Variants in MED13L observed in about 807,000 individuals in gnomAD.
The protein encoded by MED13L is mediator complex subunit 13L.
A neutral mutation model predicts 220.9 loss-of-function variants in MED13L; 7 were observed. The ratio of observed to expected loss-of-function variants is 0.03; its 90% CI spans 0.02 to 0.06. The LOEUF (loss-of-function observed/expected upper bound fraction) is 0.06. Ranked by LOEUF, MED13L falls within the 10% of genes least tolerant of loss-of-function variation. The pLI, the probability that MED13L is intolerant of heterozygous loss-of-function variation, is 1.00. For synonymous variants in MED13L, 1,011 were observed against 1,015.2 expected, an observed-to-expected ratio of 1.00 and a Z score of 0.08; for missense variants, 1,965 against 2,760.5, an observed-to-expected ratio of 0.71 and a Z score of 6.46.
chr12:116,153,372 T>G (rs1355197667), intron 2 of MED13L, among the ~76,000 whole-genome samples: 1 of 152,046 alleles, frequency 6.6e-6, no homozygotes, highest in African/African-American at 2.4e-5. Flanking sequence ...GAGTGCCACC[T>G]CCATTAGTTA....
intron 2 of MED13L, among the ~76,000 whole-genome samples, chr12:116,163,462 T>A (rs1879032302): frequency 6.6e-6 from 1 of 151,454 alleles, no homozygotes; most frequent in Non-Finnish European, 1.5e-5. Flanking sequence ...CCTCCCAGAT[T>A]CAAGTGATTC....
chr12:116,091,352 TTC>T (rs1172918540), intron 4 of MED13L, among the ~76,000 whole-genome samples: 6 of 152,132 alleles, frequency 3.9e-5, no homozygotes, highest in Non-Finnish European at 8.8e-5. Flanking sequence ...CAGTCATAAC[TTC>T]TTTTAAGTTA....
intron 2 of MED13L, among the ~76,000 whole-genome samples, chr12:116,176,118 T>C (rs1402883824): frequency 1.3e-5 from 2 of 152,138 alleles, no homozygotes; most frequent in African/African-American, 2.4e-5. Flanking sequence ...AAGGACTCAC[T>C]ACCTGTGTAA....
chr12:116,100,279 G>A (rs943627579), intron 3 of MED13L, among the ~76,000 whole-genome samples: 2 of 151,988 alleles, frequency 1.3e-5, no homozygotes, highest in African/African-American at 2.4e-5. Context: ...GTTCTCAAAC[G>A]TTTTTGGGTC....
rs548939870 is a variant in MED13L at position 115,968,875 on chromosome 12, G to A, written c.6225+65C>T. ...GCAAGTAGGAACAAGATGATCAGAT[G>A]TCCAGTGGATTATCTTCCTAAAGGC... On this transcript the variant is annotated intron_variant, in intron 28 of 30. Transcript: ENST00000281928. 590 of 1,575,422 alleles carry A rather than the reference G, an allele frequency of 3.7e-4. 11 individuals carry two copies. The South Asian group carries it at 6.2e-3, about 16-fold the overall frequency.
intron 2 of MED13L, among the ~76,000 whole-genome samples, chr12:116,222,558 C>T (rs1868539427): frequency 6.6e-6 from 1 of 152,154 alleles, no homozygotes; most frequent in African/African-American, 2.4e-5. Context: ...GAAAGTCTGA[C>T]TCACTAATGA....
At chr12:116,084,362 C>A (rs923100266) in intron 4 of MED13L, among the ~76,000 whole-genome samples, 1 of 152,252 alleles carries the variant, frequency 6.6e-6, no homozygotes, top group South Asian at 2.1e-4. Flanking sequence ...AGTATATGCT[C>A]TCAGAGAAGG....
intron 2 of MED13L, among the ~76,000 whole-genome samples, chr12:116,235,241 C>T (rs956556677): frequency 3.3e-5 from 5 of 152,086 alleles, no homozygotes; most frequent in Admixed American, 3.3e-4. Context: ...ATAAATGAAT[C>T]TAAAAACTTG....
intron 4 of MED13L, 27 bp downstream of exon 4, chr12:116,096,642 A>G (rs1475573539): frequency 6.2e-7 from 1 of 1,603,188 alleles, no homozygotes; most frequent in Non-Finnish European, 8.5e-7. Flanking sequence ...AAGAAACCAA[A>G]AAGCCAAGAG....
intron 26 of MED13L, 92 bp from the exon 27 acceptor site, chr12:115,970,862 T>C: frequency 8.3e-7 from 1 of 1,205,428 alleles, no homozygotes; most frequent in Non-Finnish European, 1.2e-6. Context: ...ATGAGTCTGA[T>C]GAAAATGCCA....
Position 116,009,100 on chromosome 12 carries a change from G to C in MED13L, c.1313C>G (p.Pro438Arg). The change falls in exon 10 of 31, where the codon CCC becomes CGC. Residue 438 changes from proline (P) to arginine (R), a missense_variant. By Grantham distance (103) the Pro-to-Arg change is moderately radical. Transcript: ENST00000281928. ...HKLLKRCAVG[P>R]NRPPTVSQPG... ...TTGAGATACTGTGGGAGGTCGATTG[G>C]GCCCGACTGCACAACGTTTTAAAAG... 1 of 1,613,976 alleles carries C rather than the reference G, an allele frequency of 6.2e-7. No individual in the cohort carries two copies. Among genetic ancestry groups the C allele is most frequent in the Non-Finnish European group, 8.5e-7 (1 of 1,179,962 alleles).
chr12:115,976,638 T>C (rs558724760), intron 23 of MED13L, among the ~76,000 whole-genome samples: 12 of 152,336 alleles, frequency 7.9e-5, no homozygotes, highest in Middle Eastern at 3.4e-3. Flanking sequence ...TAGTTTAATA[T>C]GTGTGTCTGT....
chr12:116,040,113 T>C (rs1468029257), intron 4 of MED13L, among the ~76,000 whole-genome samples: 2 of 152,172 alleles, frequency 1.3e-5, no homozygotes, highest in Admixed American at 6.5e-5. Flanking sequence ...CTCCCAACAA[T>C]AGGTAAAGAG....
At chr12:116,146,604 C>T (rs1352063022) in intron 2 of MED13L, among the ~76,000 whole-genome samples, 1 of 151,970 alleles carries the variant, frequency 6.6e-6, no homozygotes, top group East Asian at 1.9e-4. Flanking sequence ...GTGACTCACG[C>T]TTGTAATCCC....
intron 4 of MED13L, among the ~76,000 whole-genome samples, chr12:116,054,965 T>C (rs930145720): frequency 6.6e-6 from 1 of 152,228 alleles, no homozygotes; most frequent in Non-Finnish European, 1.5e-5. Context: ...AATTGTGGTA[T>C]ATTAACATGC....
chr12:116,262,558 G>A (rs982084671), intron 1 of MED13L, among the ~76,000 whole-genome samples: 1 of 152,142 alleles, frequency 6.6e-6, no homozygotes, highest in Non-Finnish European at 1.5e-5. Context: ...GCCTACCTTA[G>A]TGAGTCCCAC....
chr12:116,221,855 T>C (rs958762139), intron 2 of MED13L, among the ~76,000 whole-genome samples: 3 of 152,188 alleles, frequency 2.0e-5, no homozygotes, highest in Admixed American at 1.3e-4. Context: ...TTTAAAATAA[T>C]ATGAAAAATT....
At chr12:116,022,427 G>T (rs1324723956) in intron 5 of MED13L, 29 bp downstream of exon 5, 1 of 1,612,878 alleles carries the variant, frequency 6.2e-7, no homozygotes, top group Admixed American at 1.7e-5. Context: ...TGGCGGATAG[G>T]GGTGGAGAGC....
chr12:116,016,195 A>C (rs1216105310), intron 7 of MED13L, among the ~76,000 whole-genome samples: 1 of 152,108 alleles, frequency 6.6e-6, no homozygotes, highest in African/African-American at 2.4e-5. Context: ...CCTTAACGAA[A>C]GTCAAGGTGA....
Sources: gnomAD v4.1 joint callset for allele counts (sites outside exome capture counted in the v4.1 genomes callset) on GRCh38, gnomAD v4.1.1 for gene constraint, MANE v1.5 for transcripts, NCBI Gene and HGNC (gene_info 2026-07-23, HGNC 2026-07-21) for gene names.